Variants in RSPO2 observed in about 807,000 individuals in gnomAD.
RSPO2 encodes R-spondin 2, also known as R-spondin-2.
Under a neutral mutation model 30.9 loss-of-function variants are expected in RSPO2, and 14 were observed. That is an observed-to-expected ratio of 0.45 (90% CI 0.30 to 0.71). The LOEUF (loss-of-function observed/expected upper bound fraction) is 0.71. Among genes scored for constraint, RSPO2 ranks in the 30% least tolerant of loss-of-function variants. RSPO2 has a pLI of 0.08. For synonymous variants in RSPO2, 107 were observed against 96.4 expected (o/e 1.11, Z -0.64); for missense variants, 264 against 301.9 (o/e 0.87, Z 0.93).
intron 5 of RSPO2, among the ~76,000 whole-genome samples, chr8:107,935,535 T>G (rs941475285): frequency 6.6e-6 from 1 of 151,846 alleles, no homozygotes; most frequent in Admixed American, 6.6e-5. Flanking sequence ...ATAGGAAGAA[T>G]AAGAAGACAC....
At chr8:108,066,258 G>A (rs1812664338) in intron 2 of RSPO2, among the ~76,000 whole-genome samples, 1 of 152,248 alleles carries the variant, frequency 6.6e-6, no homozygotes, top group South Asian at 2.1e-4. Context: ...CTTCCAGAGA[G>A]TGTTTAAAGT....
intron 5 of RSPO2, among the ~76,000 whole-genome samples, chr8:107,954,674 G>A (rs1048169111): frequency 4.6e-5 from 7 of 151,992 alleles, no homozygotes; most frequent in Non-Finnish European, 8.8e-5. Flanking sequence ...GCAGTGGCAC[G>A]ATCTTGGCTC....
chr8:107,960,129 T>C (rs963573392), intron 4 of RSPO2, among the ~76,000 whole-genome samples: 2 of 152,196 alleles, frequency 1.3e-5, no homozygotes, highest in Non-Finnish European at 2.9e-5. Flanking sequence ...ATAAAATGTG[T>C]TACTATTTTC....
intron 2 of RSPO2, among the ~76,000 whole-genome samples, chr8:108,069,233 TCA>T (rs1812766163): frequency 7.0e-6 from 1 of 143,768 alleles, no homozygotes; most frequent in South Asian, 2.3e-4. Flanking sequence ...ACACACACAC[TCA>T]CAGAGTCTCG....
chr8:108,023,967 C>G (rs2514833), intron 2 of RSPO2, among the ~76,000 whole-genome samples: 117,627 of 152,018 alleles, frequency 0.77, 46,756 homozygotes, highest in African/African-American at 0.94. Flanking sequence ...ATAATAAAAA[C>G]CCAGGAAGCA....
intron 2 of RSPO2, among the ~76,000 whole-genome samples, chr8:108,046,558 T>C (rs546487118): frequency 2.6e-5 from 4 of 152,228 alleles, no homozygotes; most frequent in Admixed American, 2.0e-4. Flanking sequence ...AATAATCTTG[T>C]AACATATCAG....
intron 3 of RSPO2, among the ~76,000 whole-genome samples, chr8:107,961,739 T>C (rs999811943): frequency 2.0e-5 from 3 of 152,182 alleles, no homozygotes; most frequent in Non-Finnish European, 4.4e-5. Flanking sequence ...TAAGGTTTTG[T>C]AATAATATAT....
At chr8:107,995,178 T>G (rs1392719748) in intron 2 of RSPO2, among the ~76,000 whole-genome samples, 1 of 152,168 alleles carries the variant, frequency 6.6e-6, no homozygotes, top group African/African-American at 2.4e-5. Context: ...TTTATTTGCA[T>G]GTTGAATCTA....
intron 2 of RSPO2, among the ~76,000 whole-genome samples, chr8:108,007,991 A>C (rs1815510338): frequency 6.6e-6 from 1 of 152,192 alleles, no homozygotes; most frequent in Non-Finnish European, 1.5e-5. Context: ...GACTCAAAAA[A>C]AGAAAAAAAC....
intron 2 of RSPO2, among the ~76,000 whole-genome samples, chr8:108,018,332 A>G (rs945639388): frequency 2.0e-5 from 3 of 152,178 alleles, no homozygotes; most frequent in African/African-American, 7.2e-5. Context: ...GTAATGACAC[A>G]TGGCACTTGT....
At chr8:108,058,559 A>G (rs913968695) in intron 2 of RSPO2, among the ~76,000 whole-genome samples, 2 of 152,176 alleles carry the variant, frequency 1.3e-5, no homozygotes, top group African/African-American at 4.8e-5. Context: ...AAGCCAAAAG[A>G]ACAAAGCTGG....
intron 2 of RSPO2, among the ~76,000 whole-genome samples, chr8:108,071,694 C>A (rs1156449501): frequency 6.6e-6 from 1 of 152,140 alleles, no homozygotes; most frequent in Non-Finnish European, 1.5e-5. Flanking sequence ...TTAGAAGAGC[C>A]CAGAACTAAC....
intron 5 of RSPO2, among the ~76,000 whole-genome samples, chr8:107,906,208 A>G (rs972027525): frequency 1.3e-4 from 19 of 151,936 alleles, no homozygotes. Context: ...CTAAACTTGG[A>G]CAAAGATTCA....
chr8:107,953,273 T>A (rs1454679055), intron 5 of RSPO2, among the ~76,000 whole-genome samples: 1 of 152,158 alleles, frequency 6.6e-6, no homozygotes, highest in Non-Finnish European at 1.5e-5. Flanking sequence ...CAAGGCAGTC[T>A]CCTCTAGAGG....
chr8:107,956,196 C>T (rs1264642298), intron 5 of RSPO2, among the ~76,000 whole-genome samples: 1 of 152,096 alleles, frequency 6.6e-6, no homozygotes, highest in Admixed American at 6.6e-5. Context: ...TTTCTCTCAA[C>T]AATTATATTT....
At chr8:108,007,354 C>A (rs1183882975) in intron 2 of RSPO2, among the ~76,000 whole-genome samples, 1 of 151,336 alleles carries the variant, frequency 6.6e-6, no homozygotes, top group Non-Finnish European at 1.5e-5. Flanking sequence ...CATCCAAATA[C>A]CATTTGGTGA....
chr8:108,003,271 GTGTGTGTATATATA>G (rs1347896956), intron 2 of RSPO2, among the ~76,000 whole-genome samples: 60 of 73,646 alleles, frequency 8.1e-4, no homozygotes, highest in African/African-American at 3.1e-3. Context: ...GTGTGTGTGT[GTGTGTGTATATATA>G]TATATATATA....
At chr8:107,968,373 A>T (rs1045208690) in intron 3 of RSPO2, among the ~76,000 whole-genome samples, 11 of 152,148 alleles carry the variant, frequency 7.2e-5, no homozygotes, top group African/African-American at 2.7e-4. Flanking sequence ...AAATATTTTC[A>T]TTCACCTGTG....
At chr8:108,063,214 T>A (rs1586671233) in intron 2 of RSPO2, among the ~76,000 whole-genome samples, 1 of 151,742 alleles carries the variant, frequency 6.6e-6, no homozygotes, top group South Asian at 2.1e-4. Flanking sequence ...ATAAAGGGCA[T>A]TCAACTAGGA....
Sources: allele counts gnomAD v4.1 joint callset (sites outside exome capture counted in the v4.1 genomes callset), GRCh38; gene constraint gnomAD v4.1.1; transcripts MANE v1.5; gene names NCBI Gene and HGNC (gene_info 2026-07-23, HGNC 2026-07-21).